SLC39A4: variants seen among roughly 807,000 people sequenced by gnomAD.
SLC39A4 encodes the protein solute carrier family 39 member 4.
SLC39A4 carries 49 observed loss-of-function variants against 56.6 expected under a neutral mutation model. The observed-to-expected ratio is 0.87, with a 90% CI of 0.69 to 1.10. SLC39A4 has a LOEUF of 1.10. Ranked by LOEUF, SLC39A4 falls within the 50% of genes least tolerant of loss-of-function variation. The probability of loss-of-function intolerance (pLI) is 0.00; values close to 1 mark genes in which losing one functional copy is unlikely to be tolerated. For synonymous variants in SLC39A4, 540 were observed against 420.4 expected (o/e 1.28, Z -3.48); for missense variants, 993 against 864.2 (o/e 1.15, Z -1.87).
rs533293096 is a variant in SLC39A4 at position 144,415,047 on chromosome 8, C to T, written c.731G>A (p.Arg244Gln). The T allele has an allele frequency of 4.2e-5, 68 of 1,611,506 alleles. No homozygotes were observed. The highest frequency in any genetic ancestry group is 3.1e-4 in the African/African-American group (23 of 75,026). The change falls in exon 4 of 12, where the codon CGG becomes CAG. Residue 244 changes from arginine (R) to glutamine (Q), a missense_variant. Physicochemically the swap from Arg to Gln is conservative, Grantham distance 43 (BLOSUM62 1). Coordinates refer to ENST00000301305, the MANE Select transcript of SLC39A4 (RefSeq NM_130849.4). ...GTCCCGGCTGCTGGCTCCCCTGTGC[C>T]GATGACTGTGGTCACTGTGGGCCTC... ...GREAHSDHSH[R>Q]HRGASSRDPV...
chr8:144,413,723 G>A, intron 8 of SLC39A4, 27 bp downstream of exon 8: 2 of 1,534,744 alleles, frequency 1.3e-6, no homozygotes, highest in South Asian at 1.2e-5. Flanking sequence ...GGCTCCGCGT[G>A]GGATGGGGCA....
Position 144,416,821 on chromosome 8 carries a change from C to T in SLC39A4, c.-32G>A. The T allele has an allele frequency of 6.3e-7, 1 of 1,596,978 alleles. No homozygotes were observed. The highest frequency in any genetic ancestry group is 8.5e-7 in the Non-Finnish European group (1 of 1,172,978). ...CTCCCAGCGTGCTCAGTGGGTGTTG[C>T]TGTGGCCAAGGCCCAGTGCTTCTGG... On this transcript the variant is annotated 5_prime_UTR_variant, in exon 1 of 12. Coordinates refer to ENST00000301305, the MANE Select transcript of SLC39A4 (RefSeq NM_130849.4).
Position 144,415,354 on chromosome 8 carries a change from G to T in SLC39A4, c.540C>A (p.Gly180=), listed in dbSNP as rs201793280. ...GGTCCAGCAGGGCAGCCAGGACGCC[G>T]CCAGCACTGCCCGGAGCCCCCGCCC... is the stretch of plus-strand genomic sequence containing the variant. The part of the protein sequence containing the change: ...AVGAGAPGSA[G]GVLAALLDHV... The change falls in exon 3 of 12, where the codon GGC becomes GGA. Residue 180 remains glycine (G), a synonymous_variant. Coordinates refer to ENST00000301305, the MANE Select transcript of SLC39A4 (RefSeq NM_130849.4). 6.2e-7 allele frequency: 1 copy of T among 1,611,082 alleles called. No homozygotes were observed. Among genetic ancestry groups the T allele is most frequent in the Non-Finnish European group, 8.5e-7 (1 of 1,179,194 alleles).
At chr8:144,416,209 CCT>C (rs1343622076) in intron 1 of SLC39A4, 118 bp from the exon 2 acceptor site, 3 of 1,591,638 alleles carry the variant, frequency 1.9e-6, no homozygotes, top group Admixed American at 1.7e-5. Context: ...CGTCCACCAT[CCT>C]CTCTCAACCC....
intron 5 of SLC39A4, 60 bp downstream of exon 5, chr8:144,414,661 CTCCT>C: frequency 3.8e-6 from 6 of 1,594,972 alleles, no homozygotes; most frequent in Non-Finnish European, 5.1e-6. Flanking sequence ...TGGGCAGCCA[CTCCT>C]TCCTTCCTAC....
intron 1 of SLC39A4, 188 bp downstream of exon 1, chr8:144,416,410 G>A: frequency 6.9e-7 from 1 of 1,446,032 alleles, no homozygotes; most frequent in Non-Finnish European, 9.0e-7. Flanking sequence ...TGTGTCCCTG[G>A]AAAGGCCTGT....
Position 144,412,680 on chromosome 8 carries a change from G to A in SLC39A4, c.1816-14C>T, listed in dbSNP as rs781917969. 6.2e-7 allele frequency: 1 copy of A among 1,613,762 alleles called. No individual in the cohort carries two copies. Among genetic ancestry groups the A allele is most frequent in the South Asian group, 1.1e-5 (1 of 91,074 alleles). ...CATCGCCGGGAGCTGAGGAGCAAGT[G>A]GGCACCGGGTCAGCGCCCCTGCTCA... On this transcript the variant is annotated splice_polypyrimidine_tract_variant and intron_variant, in intron 11 of 11. Transcript: ENST00000301305.
chr8:144,415,047 C>G lies in SLC39A4; in HGVS notation c.731G>C (p.Arg244Pro), dbSNP rs533293096. The change falls in exon 4 of 12, where the codon CGG (arginine) becomes CCG (proline). Residue 244 changes from arginine (R) to proline (P), a missense_variant. Arg to Pro is a moderately radical substitution (Grantham distance 103, BLOSUM62 -2). Coordinates refer to ENST00000301305, the MANE Select transcript of SLC39A4 (RefSeq NM_130849.4). Reference sequence around the variant, plus strand: ...GTCCCGGCTGCTGGCTCCCCTGTGCCGATGACTGTGGTCACTGTGGGCCTC... The same window carrying G: ...GTCCCGGCTGCTGGCTCCCCTGTGCGGATGACTGTGGTCACTGTGGGCCTC... Reference protein sequence around the residue: ...GREAHSDHSHRHRGASSRDPV... With the variant: ...GREAHSDHSHPHRGASSRDPV... 1 of 1,611,506 alleles carries G rather than the reference C, an allele frequency of 6.2e-7. No homozygotes were observed. Among genetic ancestry groups the G allele is most frequent in the Non-Finnish European group, 8.5e-7 (1 of 1,179,942 alleles).
At position 144,416,149 on chromosome 8, in the gene SLC39A4, G is replaced by C. The variant is rs782255545; in HGVS notation, c.193-58C>G. 9 of 1,596,368 alleles carry C rather than the reference G, an allele frequency of 5.6e-6. No individual in the cohort carries two copies. In the Admixed American group the frequency reaches 6.9e-5, roughly 12 times the overall value. ...GGCCCACCAGGGAGGGGAGAGGCAG[G>C]CCTGGCCAGGGGCTTCCCCGAGGGC... is the stretch of plus-strand genomic sequence containing the variant. On this transcript the variant is annotated intron_variant, in intron 1 of 11. Coordinates refer to ENST00000301305, the MANE Select transcript of SLC39A4 (RefSeq NM_130849.4).
In SLC39A4 at chr8:144,414,227, C is replaced by T. The variant is rs373844587; in HGVS notation, c.1149+35G>A. 231 of 1,600,104 alleles carry T rather than the reference C, an allele frequency of 1.4e-4. 1 individual carries two copies. In the South Asian group the frequency reaches 1.7e-3, roughly 12 times the overall value. On this transcript the variant is annotated intron_variant, in intron 6 of 11. Coordinates refer to ENST00000301305, the MANE Select transcript of SLC39A4 (RefSeq NM_130849.4). ...CGGCCTGGGAGTCCATGGTGGGGAA[C>T]GGAGGGCCAGGGTCGCGGGTTTGTG...
Position 144,412,830 on chromosome 8 carries a change from T to C in SLC39A4, c.1744A>G (p.Ser582Gly). The C allele has an allele frequency of 6.2e-7, 1 of 1,612,998 alleles. No homozygotes were observed. The highest frequency in any genetic ancestry group is 8.5e-7 in the Non-Finnish European group (1 of 1,179,922). The change falls in exon 11 of 12, where the codon AGC (serine) becomes GGC (glycine). Residue 582 changes from serine to glycine, a missense_variant. Ser to Gly is a moderately conservative substitution (Grantham distance 56, BLOSUM62 0). Coordinates refer to ENST00000301305, the MANE Select transcript of SLC39A4 (RefSeq NM_130849.4). ...GLYVALAVGV[S>G]EESEAWILAV... ...AGGATCCAGGCCTCGCTCTCCTCGC[T>C]GACTCCAACCGCGAGTGCCACGTAG...
rs370358460 is a variant in SLC39A4, at chr8:144,416,635, G to A, written c.155C>T (p.Ala52Val). The A allele has an allele frequency of 1.6e-5, 26 of 1,604,976 alleles. No individual in the cohort carries two copies. The highest frequency in any genetic ancestry group is 1.0e-4 in the South Asian group (9 of 89,834). ...CCCGTTGGCGCAGTGCACACGGTCCGCCAGCGTATTTAACAGGCCGCCCAG... is the reference window on the plus strand; with the variant it reads ...CCCGTTGGCGCAGTGCACACGGTCCACCAGCGTATTTAACAGGCCGCCCAG... The part of the protein sequence containing the change: ...EALGGLLNTL[A>V]DRVHCANGPC... Residue 52 changes from alanine to valine, a missense_variant, in exon 1 of 12, where the codon GCG (alanine) becomes GTG (valine). Physicochemically the swap from Ala to Val is moderately conservative, Grantham distance 64. Coordinates refer to ENST00000301305, the MANE Select transcript of SLC39A4 (RefSeq NM_130849.4).
chr8:144,413,115 G>A, intron 10 of SLC39A4, 122 bp downstream of exon 10: 1 of 1,479,382 alleles, frequency 6.8e-7, no homozygotes, highest in East Asian at 2.5e-5. Context: ...CCTGTTTCCG[G>A]TCTCCCCACC....
Position 144,415,794 on chromosome 8 carries a change from C to T in SLC39A4, c.474+16G>A, listed in dbSNP as rs1358736380. Reference sequence around the variant, plus strand: ...CTCCTCACCCACTCCCCTGGTCTGCCTGGACTCTCCCTCACCATCTTGGGG... The same window carrying T: ...CTCCTCACCCACTCCCCTGGTCTGCTTGGACTCTCCCTCACCATCTTGGGG... On this transcript the variant is annotated intron_variant, in intron 2 of 11. Transcript: ENST00000301305. 6.3e-7 allele frequency: 1 copy of T among 1,590,294 alleles called. No individual in the cohort carries two copies. Among genetic ancestry groups the T allele is most frequent in the Non-Finnish European group, 8.5e-7 (1 of 1,174,276 alleles).
At chr8:144,414,222 G>T in intron 6 of SLC39A4, 40 bp downstream of exon 6, 1 of 1,598,578 alleles carries the variant, frequency 6.3e-7, no homozygotes, top group South Asian at 1.1e-5. Flanking sequence ...GTCCATGGTG[G>T]GGAACGGAGG....
In SLC39A4 at chr8:144,416,023, G is replaced by T; in HGVS notation, c.261C>A (p.Val87=). 6.3e-7 allele frequency: 1 copy of T among 1,579,518 alleles called. No homozygotes were observed. The highest frequency in any genetic ancestry group is 1.8e-5 in the Admixed American group (1 of 56,170). Reference sequence around the variant, plus strand: ...GGCGGGCGACGTACCTGGCCTCCAGGACCGGGCCCGGGGGCAGCCCTGACC... The same window carrying T: ...GGCGGGCGACGTACCTGGCCTCCAGTACCGGGCCCGGGGGCAGCCCTGACC... The part of the protein sequence containing the change: ...PEGSGLPPGP[V]LEARYVARLS... Residue 87 remains valine, a synonymous_variant, in exon 2 of 12, where the codon GTC becomes GTA. Transcript: ENST00000301305.
chr8:144,412,977 C>T (rs782653402), intron 10 of SLC39A4, 31 bp from the exon 11 acceptor site: 13 of 1,562,480 alleles, frequency 8.3e-6, no homozygotes, highest in South Asian at 5.8e-5. Flanking sequence ...ACAGCTCCGC[C>T]CTCCTAGCTA....
rs896079086 is a variant in SLC39A4 at position 144,412,912 on chromosome 8, G to C, written c.1662C>G (p.Ser554=). 8.1e-6 allele frequency: 13 copies of C among 1,607,730 alleles called. No individual in the cohort carries two copies. Among genetic ancestry groups the C allele is most frequent in the African/African-American group, 1.3e-5 (1 of 74,902 alleles). The change falls in exon 11 of 12, where the codon TCC becomes TCG. Residue 554 remains serine (S), a synonymous_variant. Coordinates refer to ENST00000301305, the MANE Select transcript of SLC39A4 (RefSeq NM_130849.4). ...GGTTCAGCAGCAGTGCTTGGCGCAC[G>C]GACAGCCCCGCGTGCAGCAAGGCGG... ...DFAALLHAGL[S]VRQALLLNLA... is the part of the protein sequence containing the mutation.
At position 144,416,036 on chromosome 8, in the gene SLC39A4, G is replaced by T; in HGVS notation, c.248C>A (p.Pro83His). The T allele has an allele frequency of 6.3e-7, 1 of 1,582,590 alleles. No homozygotes were observed. The highest frequency in any genetic ancestry group is 8.6e-7 in the Non-Finnish European group (1 of 1,166,404). ...CCTGGCCTCCAGGACCGGGCCCGGG[G>T]GCAGCCCTGACCCCTCAGGCTCGCC... Reference protein sequence around the residue: ...GLGEPEGSGLPPGPVLEARYV... With the variant: ...GLGEPEGSGLHPGPVLEARYV... The change falls in exon 2 of 12, where the codon CCC becomes CAC. Residue 83 changes from proline (P) to histidine (H), a missense_variant. Transcript: ENST00000301305.
Sources: allele counts gnomAD v4.1 joint callset, GRCh38; gene constraint gnomAD v4.1.1; transcripts MANE v1.5; gene names NCBI Gene and HGNC (gene_info 2026-07-23, HGNC 2026-07-21).